The following FTMT variants were observed in gnomAD, a reference collection of about 807,000 sequenced individuals.
FTMT encodes ferritin, mitochondrial.
In FTMT, 5 loss-of-function variants were observed where a neutral mutation model predicts 4.9. The ratio of observed to expected loss-of-function variants is 1.03; its 90% confidence interval spans 0.54 to 2.16. The LOEUF (loss-of-function observed/expected upper bound fraction) is 2.16. Ranked by LOEUF, FTMT falls within the 30% of genes most tolerant of loss-of-function variation. The probability of loss-of-function intolerance (pLI) is 0.01; values close to 1 mark genes in which losing one functional copy is unlikely to be tolerated. For missense variants in FTMT, 393 were observed against 323.0 expected (o/e 1.22, Z -1.66); for synonymous variants, 174 against 143.6 (o/e 1.21, Z -1.51).
Position 121,852,300 on chromosome 5 carries a change from A to G in FTMT, c.337A>G (p.Arg113Gly). 1 of 1,614,094 alleles carries G rather than the reference A, an allele frequency of 6.2e-7. No homozygotes were observed. ...TGACGTGGCCTTGAACAACTTCTCC[A>G]GGTATTTCCTTCACCAGTCCCGGGA... ...RDDVALNNFSRYFLHQSREET... is the reference protein window; with the variant it reads ...RDDVALNNFSGYFLHQSREET... The change falls in exon 1 of 1, where the codon AGG becomes GGG. Residue 113 changes from arginine (R) to glycine (G), a missense_variant. Transcript: ENST00000321339.
In FTMT at chr5:121,852,647, C is replaced by T. The variant is rs778242621; in HGVS notation, c.684C>T (p.Tyr228=). 1 of 1,613,994 alleles carries T rather than the reference C, an allele frequency of 6.2e-7. No individual in the cohort carries two copies. The highest frequency in any genetic ancestry group is 8.5e-7 in the Non-Finnish European group (1 of 1,180,002). ...CCCCGGATGCTGGCCTGGCGGAGTA[C>T]CTTTTTGACACACATACCCTTGGAA... is the stretch of plus-strand genomic sequence containing the variant. ...MGAPDAGLAE[Y]LFDTHTLGNE... is the part of the protein sequence containing the mutation. Residue 228 remains tyrosine (Y), a synonymous_variant, in exon 1 of 1, where the codon TAC becomes TAT. Transcript: ENST00000321339.
chr5:121,852,307 T>G lies in FTMT; in HGVS notation c.344T>G (p.Phe115Cys). The G allele has an allele frequency of 1.2e-6, 2 of 1,614,118 alleles. No individual in the cohort carries two copies. The highest frequency in any genetic ancestry group is 1.7e-6 in the Non-Finnish European group (2 of 1,180,022). ...DVALNNFSRY[F>C]LHQSREETEH... ...GCCTTGAACAACTTCTCCAGGTATT[T>G]CCTTCACCAGTCCCGGGAGGAGACC... Residue 115 changes from phenylalanine to cysteine, a missense_variant, in exon 1 of 1, where the codon TTC becomes TGC. Transcript: ENST00000321339.
At position 121,852,149 on chromosome 5, in the gene FTMT, C is replaced by T. The variant is rs1367028314; in HGVS notation, c.186C>T (p.Ala62=). The T allele has an allele frequency of 1.9e-6, 3 of 1,606,084 alleles. No individual in the cohort carries two copies. In the African/African-American group the frequency reaches 4.0e-5, roughly 21 times the overall value. Residue 62 remains alanine, a synonymous_variant, in exon 1 of 1, where the codon GCC becomes GCT. Coordinates refer to ENST00000321339, the MANE Select transcript of FTMT (RefSeq NM_177478.2). ...AASSRDPTGP[A]AGPSRVRQNF... is the part of the protein sequence containing the mutation. ...CCTCCCGGGACCCTACCGGGCCCGC[C>T]GCCGGCCCCTCTCGGGTGCGCCAGA...
In FTMT at chr5:121,852,215, C is replaced by G; in HGVS notation, c.252C>G (p.Ile84Met). 6.2e-7 allele frequency: 1 copy of G among 1,614,164 alleles called. No homozygotes were observed. The highest frequency in any genetic ancestry group is 8.5e-7 in the Non-Finnish European group (1 of 1,180,016). Reference sequence around the variant, plus strand: ...CCGAGGCTGCCATCAACCGCCAGATCAACCTCGAGCTCTATGCGTCCTACG... The same window carrying G: ...CCGAGGCTGCCATCAACCGCCAGATGAACCTCGAGCTCTATGCGTCCTACG... ...PDSEAAINRQ[I>M]NLELYASYVY... Residue 84 changes from isoleucine to methionine, a missense_variant, in exon 1 of 1, where the codon ATC becomes ATG. Physicochemically the swap from Ile to Met is conservative, Grantham distance 10. Coordinates refer to ENST00000321339, the MANE Select transcript of FTMT (RefSeq NM_177478.2).
rs758301295 is a variant in FTMT, at chr5:121,852,522, C to T, written c.559C>T (p.Pro187Ser). 11 of 1,614,036 alleles carry T rather than the reference C, an allele frequency of 6.8e-6. No homozygotes were observed. The South Asian group carries it at 1.2e-4, about 18-fold the overall frequency. Reference sequence around the variant, plus strand: ...CGCTCTAGCCTCAGATAAAGGTGACCCCCATTTGTGCGATTTCCTGGAAAC... The same window carrying T: ...CGCTCTAGCCTCAGATAAAGGTGACTCCCATTTGTGCGATTTCCTGGAAAC... ...LHALASDKGDPHLCDFLETYY... is the reference protein window; with the variant it reads ...LHALASDKGDSHLCDFLETYY... The change falls in exon 1 of 1, where the codon CCC becomes TCC. Residue 187 changes from proline (P) to serine (S), a missense_variant. Coordinates refer to ENST00000321339, the MANE Select transcript of FTMT (RefSeq NM_177478.2).
At position 121,852,769 on chromosome 5, in the gene FTMT, A is replaced by G; in HGVS notation, c.*77A>G. 1 of 1,440,496 alleles carries G rather than the reference A, an allele frequency of 6.9e-7. No individual in the cohort carries two copies. Among genetic ancestry groups the G allele is most frequent in the Non-Finnish European group, 9.4e-7 (1 of 1,060,404 alleles). 89.2% of individuals were successfully genotyped at this position (1,440,496 alleles called of 1,614,324 possible). Reference sequence around the variant, plus strand: ...TGTCTCCTGCTTTCTTGCCCTTAAAATCACCTCCATCTTTATATTCTTCTG... The same window carrying G: ...TGTCTCCTGCTTTCTTGCCCTTAAAGTCACCTCCATCTTTATATTCTTCTG... On this transcript the variant is annotated 3_prime_UTR_variant, in exon 1 of 1. Coordinates refer to ENST00000321339, the MANE Select transcript of FTMT (RefSeq NM_177478.2).
In FTMT at chr5:121,851,968, T is replaced by C. The variant is rs781658634; in HGVS notation, c.5T>C (p.Leu2Pro). The change falls in exon 1 of 1, where the codon CTG (leucine) becomes CCG (proline). Residue 2 changes from leucine to proline, a missense_variant. Leu to Pro is a moderately conservative substitution (Grantham distance 98, BLOSUM62 -3). Transcript: ENST00000321339. M[L>P]SCFRLLSRHI... ...CACTTCCAAGGAGGCGGCGCTATGC[T>C]GTCCTGCTTCAGGCTCCTCTCCAGG... 79 of 1,586,210 alleles carry C rather than the reference T, an allele frequency of 5.0e-5. No individual in the cohort carries two copies. The highest frequency in any genetic ancestry group is 2.4e-4 in the Admixed American group (14 of 58,308).
rs1750071814 is a variant in FTMT at position 121,852,448 on chromosome 5, G to A, written c.485G>A (p.Cys162Tyr). 4 of 1,614,080 alleles carry A rather than the reference G, an allele frequency of 2.5e-6. No individual in the cohort carries two copies. Among genetic ancestry groups the A allele is most frequent in the Non-Finnish European group, 3.4e-6 (4 of 1,180,024 alleles). Residue 162 changes from cysteine (C) to tyrosine (Y), a missense_variant, in exon 1 of 1, where the codon TGT becomes TAT. Cys to Tyr is a radical substitution (Grantham distance 194). Transcript: ENST00000321339. Reference sequence around the variant, plus strand: ...GAAAGCGGGCTGCATGCCATGGAGTGTGCTCTACTCTTGGAAAAGAACGTG... The same window carrying A: ...GAAAGCGGGCTGCATGCCATGGAGTATGCTCTACTCTTGGAAAAGAACGTG... ...DWESGLHAME[C>Y]ALLLEKNVNQ...
chr5:121,852,205 A>C lies in FTMT; in HGVS notation c.242A>C (p.Asn81Thr). 6.2e-7 allele frequency: 1 copy of C among 1,613,900 alleles called. No individual in the cohort carries two copies. Among genetic ancestry groups the C allele is most frequent in the South Asian group, 1.1e-5 (1 of 91,052 alleles). The part of the protein sequence containing the change: ...NFHPDSEAAI[N>T]RQINLELYAS... ...CACCCCGACTCCGAGGCTGCCATCA[A>C]CCGCCAGATCAACCTCGAGCTCTAT... Residue 81 changes from asparagine to threonine, a missense_variant, in exon 1 of 1, where the codon AAC (asparagine) becomes ACC (threonine). By Grantham distance (65) the Asn-to-Thr change is moderately conservative. Coordinates refer to ENST00000321339, the MANE Select transcript of FTMT (RefSeq NM_177478.2).
rs1177546231 is a variant in FTMT at position 121,852,198 on chromosome 5, GC to G, written c.237del (p.Ile80SerfsTer29). On this transcript the variant is annotated frameshift_variant, in exon 1 of 1. Coordinates refer to ENST00000321339, the MANE Select transcript of FTMT (RefSeq NM_177478.2). LOFTEE classifies it low-confidence loss of function (END_TRUNC). ...RQNFHPDSEA[A>X]INRQINLELY... ...GAACTTCCACCCCGACTCCGAGGCT[GC>G]CATCAACCGCCAGATCAACCTCGAG... The G allele has an allele frequency of 1.2e-6, 2 of 1,613,984 alleles. No homozygotes were observed. Among genetic ancestry groups the G allele is most frequent in the Admixed American group, 1.7e-5 (1 of 60,022 alleles).
In FTMT at chr5:121,852,104, C is replaced by T. The variant is rs778814848; in HGVS notation, c.141C>T (p.Arg47=). 10 of 1,578,508 alleles carry T rather than the reference C, an allele frequency of 6.3e-6. No individual in the cohort carries two copies. The African/African-American group carries it at 1.1e-4, about 17-fold the overall frequency. The change falls in exon 1 of 1, where the codon CGC becomes CGT. Residue 47 remains arginine, a synonymous_variant. Coordinates refer to ENST00000321339, the MANE Select transcript of FTMT (RefSeq NM_177478.2). Reference sequence around the variant, plus strand: ...ACCCCAGGCAGATCGCCCCCCGCCGCCCCCTGGCCGCAGCCGCCTCCTCCC... The same window carrying T: ...ACCCCAGGCAGATCGCCCCCCGCCGTCCCCTGGCCGCAGCCGCCTCCTCCC... ...PLDPRQIAPR[R]PLAAAASSRD...
chr5:121,852,013 C>G lies in FTMT; in HGVS notation c.50C>G (p.Ala17Gly). The G allele has an allele frequency of 6.3e-7, 1 of 1,594,158 alleles. No homozygotes were observed. Among genetic ancestry groups the G allele is most frequent in the East Asian group, 2.3e-5 (1 of 43,724 alleles). Residue 17 changes from alanine to glycine, a missense_variant, in exon 1 of 1, where the codon GCG (alanine) becomes GGG (glycine). Coordinates refer to ENST00000321339, the MANE Select transcript of FTMT (RefSeq NM_177478.2). ...TCCAGGCACATCAGCCCTTCGCTGG[C>G]GTCTCTGCGCCCGGTGCGCTGCTGC... Reference protein sequence around the residue: ...LLSRHISPSLASLRPVRCCFA... With the variant: ...LLSRHISPSLGSLRPVRCCFA...
In FTMT at chr5:121,852,428, C is replaced by G. The variant is rs754814859; in HGVS notation, c.465C>G (p.Ser155Arg). 1 of 1,614,126 alleles carries G rather than the reference C, an allele frequency of 6.2e-7. No homozygotes were observed. The highest frequency in any genetic ancestry group is 2.2e-5 in the East Asian group (1 of 44,840). The change falls in exon 1 of 1, where the codon AGC becomes AGG. Residue 155 changes from serine (S) to arginine (R), a missense_variant. Coordinates refer to ENST00000321339, the MANE Select transcript of FTMT (RefSeq NM_177478.2). ...IKKPEQDDWESGLHAMECALL... is the reference protein window; with the variant it reads ...IKKPEQDDWERGLHAMECALL... ...AGCCGGAACAGGACGACTGGGAAAG[C>G]GGGCTGCATGCCATGGAGTGTGCTC...
rs772478687 is a variant in FTMT at position 121,852,482 on chromosome 5, G to T, written c.519G>T (p.Ser173=). The T allele has an allele frequency of 3.7e-6, 6 of 1,614,052 alleles. No individual in the cohort carries two copies. The highest frequency in any genetic ancestry group is 5.1e-6 in the Non-Finnish European group (6 of 1,180,024). The change falls in exon 1 of 1, where the codon TCG becomes TCT. Residue 173 remains serine, a synonymous_variant. Coordinates refer to ENST00000321339, the MANE Select transcript of FTMT (RefSeq NM_177478.2). ...TCTTGGAAAAGAACGTGAACCAGTC[G>T]TTGCTGGAATTGCACGCTCTAGCCT... is the stretch of plus-strand genomic sequence containing the variant. ...ALLLEKNVNQ[S]LLELHALASD... is the part of the protein sequence containing the mutation.
Position 121,852,114 on chromosome 5 carries a change from G to T in FTMT, c.151G>T (p.Ala51Ser). Residue 51 changes from alanine (A) to serine (S), a missense_variant, in exon 1 of 1, where the codon GCA becomes TCA. Transcript: ENST00000321339. Reference protein sequence around the residue: ...RQIAPRRPLAAAASSRDPTGP... With the variant: ...RQIAPRRPLASAASSRDPTGP... ...GATCGCCCCCCGCCGCCCCCTGGCC[G>T]CAGCCGCCTCCTCCCGGGACCCTAC... 1.3e-6 allele frequency: 2 copies of T among 1,579,760 alleles called. No individual in the cohort carries two copies. The highest frequency in any genetic ancestry group is 1.4e-5 in the African/African-American group (1 of 73,814).
chr5:121,852,551 C>T lies in FTMT; in HGVS notation c.588C>T (p.Tyr196=). ...DPHLCDFLET[Y]YLNEQVKSIK... ...ATTTGTGCGATTTCCTGGAAACCTA[C>T]TACCTGAATGAGCAGGTGAAGTCTA... Residue 196 remains tyrosine, a synonymous_variant, in exon 1 of 1, where the codon TAC becomes TAT. Coordinates refer to ENST00000321339, the MANE Select transcript of FTMT (RefSeq NM_177478.2). 2 of 1,614,166 alleles carry T rather than the reference C, an allele frequency of 1.2e-6. No individual in the cohort carries two copies. Among genetic ancestry groups the T allele is most frequent in the Non-Finnish European group, 1.7e-6 (2 of 1,180,030 alleles).
chr5:121,852,168 C>A lies in FTMT; in HGVS notation c.205C>A (p.Arg69Ser), dbSNP rs1402828374. 2 of 1,611,990 alleles carry A rather than the reference C, an allele frequency of 1.2e-6. No individual in the cohort carries two copies. Among genetic ancestry groups the A allele is most frequent in the African/African-American group, 2.7e-5 (2 of 74,916 alleles). Residue 69 changes from arginine to serine, a missense_variant, in exon 1 of 1, where the codon CGC becomes AGC. Arg to Ser is a moderately radical substitution (Grantham distance 110, BLOSUM62 -1). Transcript: ENST00000321339. ...GCCCGCCGCCGGCCCCTCTCGGGTG[C>A]GCCAGAACTTCCACCCCGACTCCGA... is the stretch of plus-strand genomic sequence containing the variant. ...TGPAAGPSRV[R>S]QNFHPDSEAA...
chr5:121,852,624 C>T lies in FTMT; in HGVS notation c.661C>T (p.Pro221Ser), dbSNP rs775361040. 2.5e-6 allele frequency: 4 copies of T among 1,613,864 alleles called. No homozygotes were observed. Among genetic ancestry groups the T allele is most frequent in the Non-Finnish European group, 3.4e-6 (4 of 1,180,022 alleles). Residue 221 changes from proline (P) to serine (S), a missense_variant, in exon 1 of 1, where the codon CCG becomes TCG. By Grantham distance (74) the Pro-to-Ser change is moderately conservative. Transcript: ENST00000321339. Reference sequence around the variant, plus strand: ...GCACAACTTAGTGAAGATGGGGGCCCCGGATGCTGGCCTGGCGGAGTACCT... The same window carrying T: ...GCACAACTTAGTGAAGATGGGGGCCTCGGATGCTGGCCTGGCGGAGTACCT... ...HVHNLVKMGA[P>S]DAGLAEYLFD...
chr5:121,851,911 C>G lies in FTMT; in HGVS notation c.-53C>G. Reference sequence around the variant, plus strand: ...AGATCTGACGCCTCCAGCGCCCGACCCCACGCCAAGAGGGCCGGGCCTCAG... The same window carrying G: ...AGATCTGACGCCTCCAGCGCCCGACGCCACGCCAAGAGGGCCGGGCCTCAG... On this transcript the variant is annotated 5_prime_UTR_variant, in exon 1 of 1. Transcript: ENST00000321339. The G allele has an allele frequency of 6.6e-7, 1 of 1,520,212 alleles. No individual in the cohort carries two copies. The highest frequency in any genetic ancestry group is 8.7e-7 in the Non-Finnish European group (1 of 1,144,304). 94.2% of individuals were successfully genotyped at this position (1,520,212 alleles called of 1,614,324 possible). A position where few individuals can be genotyped will look rare whatever the true frequency, so the allele number is the denominator to read the frequency against.
Sources: gnomAD v4.1 joint callset for allele counts on GRCh38, gnomAD v4.1.1 for gene constraint, MANE v1.5 for transcripts, NCBI Gene and HGNC (gene_info 2026-07-23, HGNC 2026-07-21) for gene names.